The following PTK2 variants were observed in gnomAD, a reference collection of about 807,000 sequenced individuals.
PTK2 encodes focal adhesion kinase 1.
A neutral mutation model predicts 150.1 loss-of-function variants in PTK2; 45 were observed. The ratio of observed to expected loss-of-function variants is 0.30; its 90% CI spans 0.24 to 0.38. The LOEUF is 0.38. Among genes scored for constraint, PTK2 ranks in the 10% least tolerant of loss-of-function variants. The pLI is 1.00. For missense variants in PTK2, 919 were observed against 1,307.3 expected (o/e 0.70, Z 4.58); for synonymous variants, 432 against 449.2 (o/e 0.96, Z 0.48).
At chr8:140,958,755 G>A (rs898976012) in intron 1 of PTK2, among the ~76,000 whole-genome samples, 7 of 152,144 alleles carry the variant, frequency 4.6e-5, no homozygotes, top group African/African-American at 9.7e-5. Context: ...GCATTACTGG[G>A]TTAAATACAA....
intron 20 of PTK2, among the ~76,000 whole-genome samples, chr8:140,740,316 G>T (rs1326473519): frequency 6.6e-6 from 1 of 152,212 alleles, no homozygotes; most frequent in African/African-American, 2.4e-5. Flanking sequence ...CTGAGAGGAT[G>T]ACCAGGGAAG....
intron 17 of PTK2, among the ~76,000 whole-genome samples, chr8:140,748,606 T>C (rs2100060953): frequency 6.6e-6 from 1 of 152,044 alleles, no homozygotes; most frequent in Non-Finnish European, 1.5e-5. Context: ...CCTGTACTAC[T>C]ACTCTCAGGA....
intron 29 of PTK2, among the ~76,000 whole-genome samples, chr8:140,673,105 C>CT (rs540402579): frequency 0.044 from 6,389 of 144,572 alleles, 339 homozygotes; most frequent in African/African-American, 0.13. Flanking sequence ...AAGATGCATC[C>CT]TTTTTTTTTT....
At chr8:140,908,305 C>G (rs2100161762) in intron 2 of PTK2, among the ~76,000 whole-genome samples, 1 of 152,162 alleles carries the variant, frequency 6.6e-6, no homozygotes, top group South Asian at 2.1e-4. Flanking sequence ...CTGAAGCTAG[C>G]AGAGGTTGGT....
intron 27 of PTK2, among the ~76,000 whole-genome samples, chr8:140,676,147 T>C (rs1257714271): frequency 2.0e-5 from 3 of 151,886 alleles, no homozygotes; most frequent in Non-Finnish European, 4.4e-5. Context: ...GAGGTCAAAA[T>C]GGGCGATAAC....
chr8:140,990,164 A>G (rs1340338857), intron 1 of PTK2, among the ~76,000 whole-genome samples: 1 of 152,218 alleles, frequency 6.6e-6, no homozygotes, highest in Non-Finnish European at 1.5e-5. Context: ...AGCACTCTTA[A>G]AAGTACATTT....
intron 24 of PTK2, among the ~76,000 whole-genome samples, chr8:140,705,498 G>C (rs1312877177): frequency 6.6e-6 from 1 of 152,178 alleles, no homozygotes; most frequent in Non-Finnish European, 1.5e-5. Context: ...GGGCACAAAG[G>C]AACTGCCGGG....
At chr8:140,763,816 T>C (rs1452305895) in intron 15 of PTK2, among the ~76,000 whole-genome samples, 2 of 152,136 alleles carry the variant, frequency 1.3e-5, no homozygotes, top group Non-Finnish European at 2.9e-5. Flanking sequence ...TTTTTGAATA[T>C]ATGTGTGTGA....
chr8:140,944,323 A>C (rs2100176904), intron 1 of PTK2, among the ~76,000 whole-genome samples: 1 of 152,322 alleles, frequency 6.6e-6, no homozygotes, highest in Middle Eastern at 3.4e-3. Flanking sequence ...AAGGAAGTAC[A>C]ATACTAGAGG....
At chr8:140,965,424 T>C (rs2100184901) in intron 1 of PTK2, among the ~76,000 whole-genome samples, 1 of 152,124 alleles carries the variant, frequency 6.6e-6, no homozygotes, top group South Asian at 2.1e-4. Flanking sequence ...TCAATATAGG[T>C]TATTCAGTGA....
chr8:140,744,065 C>T (rs548291727), intron 19 of PTK2, among the ~76,000 whole-genome samples: 90,277 of 149,764 alleles, frequency 0.6, 28,545 homozygotes, highest in African/African-American at 0.8. Flanking sequence ...CTATGAGCCA[C>T]CGCGCCCGGC....
intron 2 of PTK2, among the ~76,000 whole-genome samples, chr8:140,907,503 T>C (rs558157177): frequency 5.9e-5 from 9 of 152,094 alleles, no homozygotes; most frequent in Non-Finnish European, 1.2e-4. Context: ...CCTGTATAAT[T>C]TGCCTTCCCC....
intron 22 of PTK2, among the ~76,000 whole-genome samples, chr8:140,728,990 G>T (rs2100047584): frequency 6.6e-6 from 1 of 152,030 alleles, no homozygotes; most frequent in African/African-American, 2.4e-5. Flanking sequence ...AGCTTGAACT[G>T]GCAGTCTCAC....
chr8:140,889,441 C>A (rs1161348627), intron 3 of PTK2, among the ~76,000 whole-genome samples: 2 of 152,160 alleles, frequency 1.3e-5, no homozygotes, highest in African/African-American at 4.8e-5. Context: ...GTTGGCCAGG[C>A]TGCTCTCAAA....
At chr8:140,904,259 T>C (rs1032839355) in intron 2 of PTK2, among the ~76,000 whole-genome samples, 8 of 151,940 alleles carry the variant, frequency 5.3e-5, no homozygotes, top group African/African-American at 1.9e-4. Flanking sequence ...TTGATAATCA[T>C]GGTTTTTGTC....
intron 7 of PTK2, among the ~76,000 whole-genome samples, chr8:140,843,924 T>C (rs2100123775): frequency 6.6e-6 from 1 of 151,798 alleles, no homozygotes; most frequent in South Asian, 2.1e-4. Flanking sequence ...TGTTCCAACA[T>C]CATATGGAGG....
chr8:140,838,930 C>T (rs1376158428), intron 7 of PTK2, among the ~76,000 whole-genome samples: 1 of 151,040 alleles, frequency 6.6e-6, no homozygotes, highest in African/African-American at 2.4e-5. Flanking sequence ...GGTGTGAACC[C>T]AGGAGGCGGA....
intron 16 of PTK2, among the ~76,000 whole-genome samples, chr8:140,759,341 C>T (rs890985290): frequency 1.3e-5 from 2 of 151,784 alleles, no homozygotes; most frequent in Non-Finnish European, 2.9e-5. Context: ...ACATTCCAGC[C>T]TGGGCAACAT....
intron 20 of PTK2, among the ~76,000 whole-genome samples, chr8:140,740,221 C>A (rs962288619): frequency 9.9e-5 from 15 of 152,134 alleles, no homozygotes; most frequent in African/African-American, 3.6e-4. Flanking sequence ...AAAAGGCAGA[C>A]AGAAGTATAC....
Sources: allele counts gnomAD v4.1 joint callset (sites outside exome capture counted in the v4.1 genomes callset), GRCh38; gene constraint gnomAD v4.1.1; transcripts MANE v1.5; gene names NCBI Gene and HGNC (gene_info 2026-07-23, HGNC 2026-07-21).